PHYHD1: variants seen among roughly 807,000 people sequenced by gnomAD.
PHYHD1 encodes phytanoyl-CoA dioxygenase domain containing 1, also known as phytanoyl-CoA dioxygenase domain-containing protein 1.
PHYHD1 carries 42 observed loss-of-function variants against 43.6 expected under a neutral mutation model. That is an observed-to-expected ratio of 0.96 (90% CI 0.75 to 1.25). The LOEUF (loss-of-function observed/expected upper bound fraction) is 1.25. Ranked by LOEUF, PHYHD1 falls within the 50% of genes most tolerant of loss-of-function variation. PHYHD1 has a pLI of 0.00. For missense variants in PHYHD1, 342 were observed against 370.8 expected (o/e 0.92, Z 0.64); for synonymous variants, 139 against 143.6 (o/e 0.97, Z 0.23).
chr9:128,937,894 T>C (rs1337135249), intron 9 of PHYHD1, 116 bp downstream of exon 9: 2 of 1,568,924 alleles, frequency 1.3e-6, no homozygotes, highest in African/African-American at 2.7e-5. Flanking sequence ...TGTAGGAGCC[T>C]GGCCCGGAGA....
At chr9:128,933,655 C>A in intron 4 of PHYHD1, 127 bp from the exon 5 acceptor site, 2 of 1,014,232 alleles carry the variant, frequency 2.0e-6, no homozygotes, top group Non-Finnish European at 3.1e-6. Flanking sequence ...GTGGACAAGT[C>A]TGAGAAGCCC....
chr9:128,926,868 C>A (rs1344115440), intron 3 of PHYHD1, 170 bp from the exon 4 acceptor site: 2 of 857,054 alleles, frequency 2.3e-6, no homozygotes, highest in Non-Finnish European at 3.9e-6. Context: ...TCCATTCAAG[C>A]AGCCAATATT....
chr9:128,923,955 T>G (rs566216450), intron 3 of PHYHD1, among the ~76,000 whole-genome samples: 1 of 152,092 alleles, frequency 6.6e-6, no homozygotes, highest in Admixed American at 6.5e-5. Flanking sequence ...CTGTCTCTAC[T>G]AAAAATACAA....
rs770934543 is a variant in PHYHD1, at chr9:128,922,302, G to T, written c.-22G>T. 6 of 1,550,776 alleles carry T rather than the reference G, an allele frequency of 3.9e-6. No individual in the cohort carries two copies. Among genetic ancestry groups the T allele is most frequent in the Non-Finnish European group, 5.2e-6 (6 of 1,147,070 alleles). On this transcript the variant is annotated 5_prime_UTR_variant, in exon 3 of 13. Coordinates refer to ENST00000372592, the MANE Select transcript of PHYHD1 (RefSeq NM_001100876.2). The stretch of plus-strand genomic sequence containing the variant: ...CACCAGGAGGCCGCGCTTAGAAGCC[G>T]CCCAGTGCCCTGAGCGTCTCCATGG...
intron 4 of PHYHD1, among the ~76,000 whole-genome samples, chr9:128,932,495 G>GT (rs1841316752): frequency 6.6e-6 from 1 of 152,036 alleles, no homozygotes; most frequent in South Asian, 2.1e-4. Flanking sequence ...AGCCTCCCGA[G>GT]TAACTGGGAT....
intron 4 of PHYHD1, among the ~76,000 whole-genome samples, chr9:128,929,943 C>G (rs1192214721): frequency 6.7e-6 from 1 of 149,610 alleles, no homozygotes; most frequent in East Asian, 2.0e-4. Flanking sequence ...GCCTGGGCAA[C>G]ATGGTGAAAC....
intron 6 of PHYHD1, among the ~76,000 whole-genome samples, chr9:128,935,532 C>T (rs1207225247): frequency 7.0e-6 from 1 of 143,006 alleles, no homozygotes; most frequent in Non-Finnish European, 1.5e-5. Context: ...GCACTCCAGC[C>T]TGGGCAACAG....
chr9:128,933,786 G>A lies in PHYHD1; in HGVS notation c.197G>A (p.Ser66Asn). The A allele has an allele frequency of 6.2e-7, 1 of 1,614,108 alleles. No homozygotes were observed. Among genetic ancestry groups the A allele is most frequent in the Non-Finnish European group, 8.5e-7 (1 of 1,179,944 alleles). The change falls in exon 5 of 13, where the codon AGC becomes AAC. Residue 66 changes from serine to asparagine, a missense_variant. Transcript: ENST00000372592. Reference sequence around the variant, plus strand: ...TCTGATGTCCCCTTTCCACAGGGCAGCACAGACTATTTCTTGAGCAGTGGT... The same window carrying A: ...TCTGATGTCCCCTTTCCACAGGGCAACACAGACTATTTCTTGAGCAGTGGT... ...QEEEQLRAQG[S>N]TDYFLSSGDK...
chr9:128,938,529 C>T (rs1270390164), intron 9 of PHYHD1, among the ~76,000 whole-genome samples: 6 of 152,122 alleles, frequency 3.9e-5, no homozygotes, highest in Non-Finnish European at 5.9e-5. Flanking sequence ...CCAAGTGATT[C>T]TCCTGCCTCA....
Position 128,936,376 on chromosome 9 carries a change from G to A in PHYHD1, c.317-72G>A, listed in dbSNP as rs1283874354. On this transcript the variant is annotated intron_variant, in intron 6 of 12. Coordinates refer to ENST00000372592, the MANE Select transcript of PHYHD1 (RefSeq NM_001100876.2). ...AGAATGTCAAAGTAAGCCTGAGTGTGGGTGCCCAGAGCTGGGTGTGGAGGG... is the reference window on the plus strand; with the variant it reads ...AGAATGTCAAAGTAAGCCTGAGTGTAGGTGCCCAGAGCTGGGTGTGGAGGG... The A allele has an allele frequency of 4.5e-6, 7 of 1,546,938 alleles. No individual in the cohort carries two copies. The East Asian group carries it at 1.4e-4, about 32-fold the overall frequency.
At chr9:128,933,941 A>C in intron 5 of PHYHD1, 70 bp from the exon 6 acceptor site, 1 of 1,605,228 alleles carries the variant, frequency 6.2e-7, no homozygotes, top group Admixed American at 1.7e-5. Context: ...GGCTGGAAGC[A>C]TGCTGAAGCC....
At chr9:128,936,714 C>A in intron 8 of PHYHD1, 69 bp downstream of exon 8, 1 of 1,496,424 alleles carries the variant, frequency 6.7e-7, no homozygotes, top group Non-Finnish European at 9.1e-7. Flanking sequence ...CAAGCCCTTC[C>A]TTACAATGGG....
chr9:128,941,026 TAG>T (rs1288905247), intron 11 of PHYHD1, among the ~76,000 whole-genome samples: 1 of 152,190 alleles, frequency 6.6e-6, no homozygotes, highest in South Asian at 2.1e-4. Flanking sequence ...TATGTTGATA[TAG>T]AGTCTGCCTA....
At chr9:128,926,286 A>G (rs578084459) in intron 3 of PHYHD1, among the ~76,000 whole-genome samples, 1 of 152,226 alleles carries the variant, frequency 6.6e-6, no homozygotes, top group African/African-American at 2.4e-5. Flanking sequence ...GCTGGAATGC[A>G]ATGGCATGAT....
intron 9 of PHYHD1, among the ~76,000 whole-genome samples, chr9:128,938,259 G>C (rs981213796): frequency 6.6e-6 from 1 of 151,516 alleles, no homozygotes; most frequent in African/African-American, 2.4e-5. Context: ...AGTGAGCCAA[G>C]ATCACACCAC....
chr9:128,939,687 C>T (rs1361530114), intron 9 of PHYHD1, among the ~76,000 whole-genome samples: 1 of 110,702 alleles, frequency 9.0e-6, no homozygotes, highest in Non-Finnish European at 1.9e-5. Flanking sequence ...GGGAGTCTTG[C>T]TCTGTCACCC....
At chr9:128,927,937 A>G (rs1841177339) in intron 4 of PHYHD1, among the ~76,000 whole-genome samples, 1 of 152,170 alleles carries the variant, frequency 6.6e-6, no homozygotes, top group African/African-American at 2.4e-5. Flanking sequence ...TTCTCCCCCC[A>G]GTGACCGAAT....
intron 3 of PHYHD1, among the ~76,000 whole-genome samples, chr9:128,924,244 G>A (rs963439721): frequency 6.6e-6 from 1 of 151,376 alleles, no homozygotes; most frequent in African/African-American, 2.4e-5. Flanking sequence ...GTGAAACCCC[G>A]TCTCTACTAA....
intron 4 of PHYHD1, among the ~76,000 whole-genome samples, chr9:128,932,827 ATTTATTTAT>A (rs1392657298): frequency 1.7e-5 from 1 of 59,750 alleles, no homozygotes; most frequent in East Asian, 4.1e-4. Context: ...TTCCTTATTT[ATTTATTTAT>A]TTATTTATTT....
Sources: gnomAD v4.1 joint callset for allele counts (sites outside exome capture counted in the v4.1 genomes callset) on GRCh38, gnomAD v4.1.1 for gene constraint, MANE v1.5 for transcripts, NCBI Gene and HGNC (gene_info 2026-07-23, HGNC 2026-07-21) for gene names.